Variants in PPP2R5C observed in about 807,000 individuals in gnomAD.
The protein encoded by PPP2R5C is serine/threonine-protein phosphatase 2A 56 kDa regulatory subunit gamma isoform.
In PPP2R5C, 7 loss-of-function variants were observed where a neutral mutation model predicts 68.9. That is an observed-to-expected ratio of 0.10 (90% CI 0.06 to 0.19). PPP2R5C has a LOEUF of 0.19. Among genes scored for constraint, PPP2R5C ranks in the 10% least tolerant of loss-of-function variants. The probability of loss-of-function intolerance (pLI) is 1.00; values close to 1 mark genes in which losing one functional copy is unlikely to be tolerated. For missense variants in PPP2R5C, 348 were observed against 641.3 expected (o/e 0.54, Z 4.94); for synonymous variants, 210 against 222.2 (o/e 0.95, Z 0.49).
At chr14:101,790,266 G>A (rs1252889149) in intron 3 of PPP2R5C, among the ~76,000 whole-genome samples, 1 of 151,878 alleles carries the variant, frequency 6.6e-6, no homozygotes, top group Admixed American at 6.6e-5. Flanking sequence ...TTAGAGTTGA[G>A]GCATAATTTA....
At chr14:101,851,049 G>A (rs934719912) in intron 1 of PPP2R5C, among the ~76,000 whole-genome samples, 1 of 152,182 alleles carries the variant, frequency 6.6e-6, no homozygotes, top group African/African-American at 2.4e-5. Flanking sequence ...GAGCTTGAGC[G>A]CTTCTTTCTG....
chr14:101,836,168 G>A (rs1395150123), intron 1 of PPP2R5C: 1 of 689,412 alleles, frequency 1.5e-6, no homozygotes, highest in Non-Finnish European at 2.6e-6. Context: ...TTTTTTTGCA[G>A]TTGAGGCTGT....
intron 3 of PPP2R5C, among the ~76,000 whole-genome samples, chr14:101,794,669 G>A (rs1566843767): frequency 6.6e-6 from 1 of 152,192 alleles, no homozygotes; most frequent in African/African-American, 2.4e-5. Context: ...CTTTAAGGCT[G>A]TTTTTAAGTT....
intron 2 of PPP2R5C, among the ~76,000 whole-genome samples, chr14:101,763,857 A>G (rs913055226): frequency 1.2e-4 from 18 of 152,114 alleles, no homozygotes; most frequent in African/African-American, 3.9e-4. Flanking sequence ...TTTTTCTTCC[A>G]TCACCTTGTT....
In PPP2R5C at chr14:101,847,225, A is replaced by G. The variant is rs534745015; in HGVS notation, c.95-9461A>G. On this transcript the variant is annotated intron_variant, in intron 1 of 13. Transcript: ENST00000334743. ...ACAAAGTTCTCCTCTGAGAAAATTT[A>G]TAATTAAGCATCCAGTATGATTAAT... 2.6e-5 allele frequency among the ~76,000 whole-genome samples: 4 copies of G among 152,360 alleles called. No homozygotes were observed. The South Asian group carries it at 8.3e-4, about 32-fold the overall frequency.
intron 13 of PPP2R5C, chr14:101,922,188 A>G (rs2047043099): frequency 1.0e-6 from 1 of 985,312 alleles, no homozygotes; most frequent in African/African-American, 1.7e-5. Context: ...AAACAAAGAA[A>G]GAAATTTGGC....
intron 2 of PPP2R5C, among the ~76,000 whole-genome samples, chr14:101,868,008 C>A (rs2043188932): frequency 6.6e-6 from 1 of 152,118 alleles, no homozygotes; most frequent in African/African-American, 2.4e-5. Context: ...ACCCTGCACC[C>A]CCAGATGGGT....
intron 1 of PPP2R5C, among the ~76,000 whole-genome samples, chr14:101,846,017 A>G (rs2041808011): frequency 6.6e-6 from 1 of 152,186 alleles, no homozygotes; most frequent in Admixed American, 6.5e-5. Context: ...GAGTGGAAAG[A>G]TGGTTTCAGC....
At chr14:101,777,718 T>G (rs532994153) in intron 2 of PPP2R5C, among the ~76,000 whole-genome samples, 1 of 152,200 alleles carries the variant, frequency 6.6e-6, no homozygotes, top group East Asian at 1.9e-4. Context: ...GCTGCCCCAT[T>G]TTACATTCTC....
chr14:101,831,337 G>A (rs918517946), intron 1 of PPP2R5C, among the ~76,000 whole-genome samples: 4 of 152,090 alleles, frequency 2.6e-5, no homozygotes, highest in African/African-American at 9.7e-5. Context: ...AATTTGATAA[G>A]GCTTAAACTA....
chr14:101,797,621 T>C lies in PPP2R5C; in HGVS notation c.259+11438T>C, dbSNP rs1423004680. 5 of 234,120 alleles carry C rather than the reference T, an allele frequency of 2.1e-5. No homozygotes were observed. The highest frequency in any genetic ancestry group is 3.5e-5 in the Non-Finnish European group (4 of 114,930). 14.5% of individuals were successfully genotyped at this position (234,120 alleles called of 1,614,324 possible). A position where few individuals can be genotyped will look rare whatever the true frequency, so the allele number is the denominator to read the frequency against. ...CCTCTTGGAAAATGAGGCTCCTGAC[T>C]CACTTGACCTACTGCGTAGGCTCCT... On this transcript the variant is annotated intron_variant, in intron 3 of 14. Transcript: ENST00000328724. The surrounding 1 kb of genome is among the most constrained non-coding windows in gnomAD (Gnocchi z 4.2).
At chr14:101,801,231 G>A (rs2038849470) in intron 3 of PPP2R5C, among the ~76,000 whole-genome samples, 1 of 152,178 alleles carries the variant, frequency 6.6e-6, no homozygotes, top group South Asian at 2.1e-4. Flanking sequence ...CCAACACAAA[G>A]AAAAGATACA....
chr14:101,783,754 C>T (rs2037955651), intron 2 of PPP2R5C, among the ~76,000 whole-genome samples: 1 of 152,146 alleles, frequency 6.6e-6, no homozygotes, highest in Admixed American at 6.5e-5. Context: ...TTGGCCTCTA[C>T]CCAAGGTCCT....
chr14:101,817,230 A>T (rs1398537066), intron 1 of PPP2R5C, among the ~76,000 whole-genome samples: 1 of 152,120 alleles, frequency 6.6e-6, no homozygotes, highest in African/African-American at 2.4e-5. Context: ...TGCTGGGATT[A>T]CAGGCGTGAG....
chr14:101,795,689 T>G (rs2038572841), intron 3 of PPP2R5C, among the ~76,000 whole-genome samples: 1 of 152,212 alleles, frequency 6.6e-6, no homozygotes, highest in South Asian at 2.1e-4. Context: ...TATTTGGTCT[T>G]TTGTGAAAGA....
Position 101,882,090 on chromosome 14 carries a change from A to G in PPP2R5C, c.295-71A>G. 1 of 1,298,522 alleles carries G rather than the reference A, an allele frequency of 7.7e-7. No homozygotes were observed. The highest frequency in any genetic ancestry group is 1.1e-6 in the Non-Finnish European group (1 of 950,318). The allele number at this position is 1,298,522 out of a possible 1,614,324, so 80.4% of individuals were successfully genotyped here. ...AAGCGGCTACTGTTAGAATTACCTA[A>G]GACTTTATAAAATGTTGTCTGTAAA... On this transcript the variant is annotated intron_variant, in intron 2 of 13. Transcript: ENST00000334743. This position sits in a 1 kb window ranked among gnomAD's most constrained non-coding sequence, Gnocchi z 4.9.
At chr14:101,866,995 T>A (rs1356991580) in intron 2 of PPP2R5C, among the ~76,000 whole-genome samples, 1 of 152,128 alleles carries the variant, frequency 6.6e-6, no homozygotes, top group Admixed American at 6.6e-5. Context: ...AGCGGACAGA[T>A]CACCTGAAGT....
intron 9 of PPP2R5C, among the ~76,000 whole-genome samples, chr14:101,904,449 C>T (rs952184449): frequency 6.6e-6 from 1 of 152,216 alleles, no homozygotes; most frequent in Non-Finnish European, 1.5e-5. Context: ...CATGCCCGGC[C>T]TAGATGGTTG....
At chr14:101,817,558 T>G (rs756555181) in intron 1 of PPP2R5C, among the ~76,000 whole-genome samples, 2 of 152,194 alleles carry the variant, frequency 1.3e-5, no homozygotes, top group Non-Finnish European at 2.9e-5. Flanking sequence ...ATTGGTCTTT[T>G]GGAGTGTAAC....
Sources: allele counts gnomAD v4.1 joint callset (sites outside exome capture counted in the v4.1 genomes callset), GRCh38; gene constraint gnomAD v4.1.1; non-coding constraint Gnocchi (gnomAD v3.1); transcripts MANE v1.5; gene names NCBI Gene and HGNC (gene_info 2026-07-23, HGNC 2026-07-21).